Variants in PCDHA2 observed in about 807,000 individuals in gnomAD.
PCDHA2 encodes protocadherin alpha 2, also known as protocadherin alpha-2.
Under a neutral mutation model 66.0 loss-of-function variants are expected in PCDHA2, and 58 were observed. The observed-to-expected ratio is 0.88, with a 90% CI of 0.71 to 1.09. The LOEUF is 1.09. PCDHA2 is among the 50% of genes least tolerant of loss of function. PCDHA2 has a pLI of 0.00. For missense variants in PCDHA2, 1,267 were observed against 1,242.3 expected (o/e 1.02, Z -0.30); for synonymous variants, 634 against 554.0 (o/e 1.14, Z -2.03).
chr5:140,822,724 A>G (rs1767410932), intron 1 of PCDHA2: 1 of 1,612,750 alleles, frequency 6.2e-7, no homozygotes, highest in Non-Finnish European at 8.5e-7. Flanking sequence ...CTCATATGAA[A>G]TTAATATTGA....
rs782426631 is a variant in PCDHA2, at chr5:140,982,476, T to C, written c.2449T>C (p.Ser817Pro). Residue 817 changes from serine (S) to proline (P), a missense_variant and splice_region_variant, in exon 3 of 4, where the codon TCT becomes CCT. By Grantham distance (74) the Ser-to-Pro change is moderately conservative. Transcript: ENST00000526136. ...ATCTGGGTCTGTGTGTTTATTCAGC[T>C]CTGTGCACCTAGAGGAGGCTGGCAT... ...SASLRAGMHS[S>P]VHLEEAGILR... 3 of 1,614,064 alleles carry C rather than the reference T, an allele frequency of 1.9e-6. No homozygotes were observed. The highest frequency in any genetic ancestry group is 1.6e-4 in the Middle Eastern group (1 of 6,082).
At chr5:140,803,807 T>C in intron 1 of PCDHA2, 2 of 748,910 alleles carry the variant, frequency 2.7e-6, no homozygotes, top group Non-Finnish European at 4.2e-6. Flanking sequence ...CTTGTAATTT[T>C]GTTTTGTTAT....
At chr5:140,863,377 G>T (rs782482597) in intron 1 of PCDHA2, 6 of 1,100,624 alleles carry the variant, frequency 5.5e-6, no homozygotes, top group Non-Finnish European at 7.9e-6. Context: ...GCAGCTCACC[G>T]AGAGCTCGTG....
intron 1 of PCDHA2, among the ~76,000 whole-genome samples, chr5:140,941,214 C>CTTT (rs1554214039): frequency 0.031 from 3,845 of 122,336 alleles, 93 homozygotes; most frequent in South Asian, 0.048. Flanking sequence ...TTTCTTTCTT[C>CTTT]CTTTCTTTCT....
chr5:141,005,701 CAAAAAAAAAAAAA>C (rs59860837), intron 3 of PCDHA2, among the ~76,000 whole-genome samples: 12 of 7,786 alleles, frequency 1.5e-3, no homozygotes, highest in Non-Finnish European at 2.7e-3. Context: ...AACTCCGTCT[CAAAAAAAAAAAAA>C]AAAAAAAAAA....
chr5:141,000,136 G>A (rs2097893947), intron 3 of PCDHA2, among the ~76,000 whole-genome samples: 2 of 152,034 alleles, frequency 1.3e-5, no homozygotes, highest in South Asian at 4.1e-4. Flanking sequence ...TTCACAAGAA[G>A]TAAACAAAAC....
intron 1 of PCDHA2, chr5:140,829,595 C>A (rs147522996): frequency 2.5e-6 from 4 of 1,611,770 alleles, no homozygotes; most frequent in Non-Finnish European, 3.4e-6. Context: ...GGTGGGCGAG[C>A]GCGCGTTGTC....
chr5:140,859,686 T>C (rs2045967077), intron 1 of PCDHA2: 1 of 154,726 alleles, frequency 6.5e-6, no homozygotes, highest in African/African-American at 2.4e-5. Context: ...AAAATTAAAA[T>C]TATTGTTCAA....
At chr5:140,988,545 T>C (rs1164667441) in intron 3 of PCDHA2, among the ~76,000 whole-genome samples, 1 of 152,150 alleles carries the variant, frequency 6.6e-6, no homozygotes, top group African/African-American at 2.4e-5. Context: ...ATTCATGACT[T>C]TCTTCATCTT....
chr5:140,983,754 A>T (rs2097065978), intron 3 of PCDHA2, among the ~76,000 whole-genome samples: 3 of 152,210 alleles, frequency 2.0e-5, no homozygotes. Flanking sequence ...AATCCATTCA[A>T]ATTCAAATAC....
At chr5:140,885,832 T>C (rs888778134) in intron 1 of PCDHA2, among the ~76,000 whole-genome samples, 1 of 152,244 alleles carries the variant, frequency 6.6e-6, no homozygotes, top group South Asian at 2.1e-4. Flanking sequence ...TTCTTTGATT[T>C]ATCCATTAAG....
At chr5:140,883,477 C>T (rs2059632046) in intron 1 of PCDHA2, 2 of 1,614,054 alleles carry the variant, frequency 1.2e-6, no homozygotes, top group Non-Finnish European at 1.7e-6. Flanking sequence ...CCTACAAGAA[C>T]TACTACTCAT....
chr5:140,982,706 T>C, intron 3 of PCDHA2, 143 bp downstream of exon 3: 1 of 1,375,170 alleles, frequency 7.3e-7, no homozygotes, highest in Admixed American at 2.9e-5. Flanking sequence ...ATGATTTCCT[T>C]ACATATATGA....
chr5:140,883,031 G>A, intron 1 of PCDHA2: 1 of 1,614,078 alleles, frequency 6.2e-7, no homozygotes, highest in Non-Finnish European at 8.5e-7. Flanking sequence ...GTTAGAGAAC[G>A]CCTTCAATGG....
chr5:140,871,644 C>A, intron 1 of PCDHA2: 2 of 1,286,330 alleles, frequency 1.6e-6, no homozygotes, highest in Non-Finnish European at 2.1e-6. Flanking sequence ...CATAAAATAC[C>A]AAATGATACA....
chr5:140,803,079 A>C lies in PCDHA2; in HGVS notation c.2388+5727A>C, dbSNP rs1407582648. The C allele has an allele frequency of 4.3e-6, 7 of 1,613,834 alleles. No individual in the cohort carries two copies. The African/African-American group carries it at 6.7e-5, about 15-fold the overall frequency. The stretch of plus-strand genomic sequence containing the variant: ...CATCCCGTTTCGCGTGGGGCTGTAC[A>C]CGGGAGAGATCAGCACGACCCGTGC... On this transcript the variant is annotated intron_variant, in intron 1 of 3. Coordinates refer to ENST00000526136, the MANE Select transcript of PCDHA2 (RefSeq NM_018905.3).
At chr5:140,842,475 T>A in intron 1 of PCDHA2, 4 of 1,613,948 alleles carry the variant, frequency 2.5e-6, no homozygotes, top group Non-Finnish European at 2.5e-6. Context: ...AACGGGCAGG[T>A]GACCTGCTCC....
intron 1 of PCDHA2, chr5:140,968,734 C>A: frequency 6.2e-7 from 1 of 1,614,162 alleles, no homozygotes; most frequent in Non-Finnish European, 8.5e-7. Flanking sequence ...GTAGCACTTT[C>A]AACCTGACCG....
At position 140,795,174 on chromosome 5, in the gene PCDHA2, A is replaced by C. The variant is rs1554119284; in HGVS notation, c.210A>C (p.Arg70Ser). The change falls in exon 1 of 4, where the codon AGA (arginine) becomes AGC (serine). Residue 70 changes from arginine (R) to serine (S), a missense_variant. Coordinates refer to ENST00000526136, the MANE Select transcript of PCDHA2 (RefSeq NM_018905.3). Reference protein sequence around the residue: ...VPRLFRVASKRHGDLLEVNLQ... With the variant: ...VPRLFRVASKSHGDLLEVNLQ... ...GCCTGTTCCGGGTGGCGTCCAAAAG[A>C]CACGGGGACCTTCTGGAGGTAAATC... 4.3e-6 allele frequency: 7 copies of C among 1,613,920 alleles called. No homozygotes were observed. The highest frequency in any genetic ancestry group is 2.7e-5 in the African/African-American group (2 of 74,922).
Sources: allele counts gnomAD v4.1 joint callset (sites outside exome capture counted in the v4.1 genomes callset), GRCh38; gene constraint gnomAD v4.1.1; transcripts MANE v1.5; gene names NCBI Gene and HGNC (gene_info 2026-07-23, HGNC 2026-07-21).